The following ADH1B variants were observed in gnomAD, a reference collection of about 807,000 sequenced individuals.
ADH1B encodes the protein all-trans-retinol dehydrogenase [NAD(+)] ADH1B.
ADH1B carries 29 observed loss-of-function variants against 34.6 expected under a neutral mutation model. The observed-to-expected ratio is 0.84, with a 90% CI of 0.62 to 1.14. ADH1B has a LOEUF of 1.14. ADH1B is among the 50% of genes most tolerant of loss of function. ADH1B has a pLI of 0.00. For missense variants in ADH1B, 424 were observed against 468.4 expected (o/e 0.91, Z 0.87); for synonymous variants, 170 against 175.5 (o/e 0.97, Z 0.25).
At chr4:99,317,888 G>T in intron 3 of ADH1B, 158 bp downstream of exon 3, 2 of 1,236,452 alleles carry the variant, frequency 1.6e-6, no homozygotes, top group Non-Finnish European at 2.3e-6. Flanking sequence ...ACATGCTTGG[G>T]TCAGGCAGGC....
chr4:99,312,829 G>A (rs1044789148), intron 6 of ADH1B, among the ~76,000 whole-genome samples: 1 of 151,764 alleles, frequency 6.6e-6, no homozygotes, highest in African/African-American at 2.4e-5. Context: ...CTTCAGCCTT[G>A]GTGACAGAGT....
Position 99,311,598 on chromosome 4 carries a change from G to A in ADH1B, c.887C>T (p.Pro296Leu), listed in dbSNP as rs746111493. ...TATTGAGAGGTTCTGGGAAGCAGGA[G>A]GTACCCCTACGATGACGCTTGTGCC... is the stretch of plus-strand genomic sequence containing the variant. ...ACGTSVIVGV[P>L]PASQNLSINP... The change falls in exon 7 of 9, where the codon CCT (proline) becomes CTT (leucine). Residue 296 changes from proline to leucine, a missense_variant. Physicochemically the swap from Pro to Leu is moderately conservative, Grantham distance 98. This residue lies in a region of ADH1B where 130 missense variants were observed against 151.8 expected (regional missense o/e 0.86). Coordinates refer to ENST00000305046, the MANE Select transcript of ADH1B (RefSeq NM_000668.6). 5 of 1,613,882 alleles carry A rather than the reference G, an allele frequency of 3.1e-6. No individual in the cohort carries two copies. Among genetic ancestry groups the A allele is most frequent in the African/African-American group, 1.3e-5 (1 of 74,876 alleles).
chr4:99,318,759 G>T, intron 2 of ADH1B, 26 bp downstream of exon 2: 1 of 1,584,722 alleles, frequency 6.3e-7, no homozygotes, highest in South Asian at 1.1e-5. Flanking sequence ...AATGTAAAAT[G>T]AAATATAAAT....
Position 99,311,588 on chromosome 4 carries a change from G to C in ADH1B, c.897C>G (p.Ser299=). The change falls in exon 7 of 9, where the codon TCC becomes TCG. Residue 299 remains serine, a synonymous_variant. Transcript: ENST00000305046. ...TSVIVGVPPA[S]QNLSINPMLL... ...GCATAGGGTTTATTGAGAGGTTCTG[G>C]GAAGCAGGAGGTACCCCTACGATGA... The C allele has an allele frequency of 6.2e-7, 1 of 1,614,068 alleles. No individual in the cohort carries two copies. Among genetic ancestry groups the C allele is most frequent in the Non-Finnish European group, 8.5e-7 (1 of 1,179,964 alleles).
intron 8 of ADH1B, among the ~76,000 whole-genome samples, chr4:99,308,849 T>A (rs920403608): frequency 2.6e-5 from 4 of 152,114 alleles, no homozygotes; most frequent in African/African-American, 9.7e-5. Context: ...TAGAAATCTG[T>A]GCATGTTTTA....
chr4:99,317,804 C>G (rs1733922779), intron 3 of ADH1B: 2 of 535,728 alleles, frequency 3.7e-6, no homozygotes, highest in Non-Finnish European at 3.2e-6. Flanking sequence ...CAGGCTCTAA[C>G]CTGGTGCCTG....
At position 99,316,270 on chromosome 4, in the gene ADH1B, A is replaced by G. The variant is rs770585785; in HGVS notation, c.292T>C (p.Cys98Arg). Reference protein sequence around the residue: ...DKVIPLFTPQCGKCRVCKNPE... With the variant: ...DKVIPLFTPQRGKCRVCKNPE... ...TTTTTACAAACTCTGCATTTTCCAC[A>G]CTGAGGAGTAAAGAGCGGGATGACT... The change falls in exon 4 of 9, where the codon TGT becomes CGT. Residue 98 changes from cysteine (C) to arginine (R), a missense_variant. Physicochemically the swap from Cys to Arg is radical, Grantham distance 180 (BLOSUM62 -3). Transcript: ENST00000305046. 6.2e-7 allele frequency: 1 copy of G among 1,614,190 alleles called. No homozygotes were observed. Among genetic ancestry groups the G allele is most frequent in the Admixed American group, 1.7e-5 (1 of 60,012 alleles).
chr4:99,310,509 CAGGA>C, intron 8 of ADH1B: 1 of 441,290 alleles, frequency 2.3e-6, no homozygotes. Context: ...GTTCTCTTTT[CAGGA>C]AGGCTGAGTG....
intron 7 of ADH1B, 101 bp downstream of exon 7, chr4:99,311,420 G>A (rs1332322086): frequency 2.9e-5 from 39 of 1,345,070 alleles, no homozygotes; most frequent in Non-Finnish European, 3.8e-5. Flanking sequence ...TCAAAATCTT[G>A]CCTTGTCAAT....
At chr4:99,315,670 A>G in intron 5 of ADH1B, 1 of 607,256 alleles carries the variant, frequency 1.6e-6, no homozygotes, top group Non-Finnish European at 2.8e-6. Flanking sequence ...CAGCAAATTC[A>G]GAAGAAAAAT....
At chr4:99,315,099 C>T (rs567178696) in intron 5 of ADH1B, 2 of 152,236 alleles carry the variant, frequency 1.3e-5, no homozygotes, top group East Asian at 1.9e-4. Flanking sequence ...TTATGTATTG[C>T]GAGCTAAGAT....
At chr4:99,318,374 C>T (rs1193893701) in intron 2 of ADH1B, 190 bp from the exon 3 acceptor site, 5 of 684,212 alleles carry the variant, frequency 7.3e-6, no homozygotes, top group African/African-American at 1.9e-5. Flanking sequence ...CTCTACCTTC[C>T]CTTCTTGAAT....
At chr4:99,311,769 G>C (rs147870968) in intron 6 of ADH1B, 113 bp from the exon 7 acceptor site, 9 of 1,450,106 alleles carry the variant, frequency 6.2e-6, no homozygotes, top group Non-Finnish European at 7.5e-6. Flanking sequence ...AGAGGGAAGA[G>C]ATCATGTCTT....
Position 99,307,666 on chromosome 4 carries a change from A to G in ADH1B, c.*174T>C, listed in dbSNP as rs1193193608. 7 of 839,098 alleles carry G rather than the reference A, an allele frequency of 8.3e-6. No individual in the cohort carries two copies. The highest frequency in any genetic ancestry group is 2.8e-5 in the Admixed American group (1 of 35,148). 52.0% of individuals were successfully genotyped at this position (839,098 alleles called of 1,614,324 possible). Reference sequence around the variant, plus strand: ...TATTTACTTCTCACTTGAATTTTAAATTTTCCTGAAAAATAATTTCCCATC... The same window carrying G: ...TATTTACTTCTCACTTGAATTTTAAGTTTTCCTGAAAAATAATTTCCCATC... On this transcript the variant is annotated 3_prime_UTR_variant, in exon 9 of 9. Transcript: ENST00000305046.
chr4:99,315,934 G>T lies in ADH1B; in HGVS notation c.531C>A (p.Phe177Leu). 1.2e-6 allele frequency: 2 copies of T among 1,614,196 alleles called. No homozygotes were observed. Among genetic ancestry groups the T allele is most frequent in the Non-Finnish European group, 1.7e-6 (2 of 1,180,038 alleles). The change falls in exon 5 of 9, where the codon TTC becomes TTA. Residue 177 changes from phenylalanine (F) to leucine (L), a missense_variant. Phe to Leu is a conservative substitution (Grantham distance 22). Transcript: ENST00000305046. ...TAACTGCAGACCCATAACCAGTCGA[G>T]AATCCACAGCCAATGAGGCAGACTT... The part of the protein sequence containing the change: ...LEKVCLIGCG[F>L]STGYGSAVNV...
At position 99,305,946 on chromosome 4, in the gene ADH1B, G is replaced by T. The variant is rs1733601738; in HGVS notation, c.*1894C>A. The stretch of plus-strand genomic sequence containing the variant: ...CACCCAGCAACAGGTAGTGTCCCAT[G>T]ATGATGTTATCTTACGGACATTCTG... On this transcript the variant is annotated 3_prime_UTR_variant, in exon 9 of 9. Coordinates refer to ENST00000305046, the MANE Select transcript of ADH1B (RefSeq NM_000668.6). The T allele has an allele frequency of 6.6e-6, 1 of 152,176 alleles. No individual in the cohort carries two copies. Among genetic ancestry groups the T allele is most frequent in the South Asian group, 2.1e-4 (1 of 4,828 alleles). The allele number at this position is 152,176 out of a possible 1,614,324, so 9.4% of individuals were successfully genotyped here.
chr4:99,316,317 A>T lies in ADH1B; in HGVS notation c.260-15T>A. On this transcript the variant is annotated splice_polypyrimidine_tract_variant and intron_variant, in intron 3 of 8. Coordinates refer to ENST00000305046, the MANE Select transcript of ADH1B (RefSeq NM_000668.6). ...GACTTTATCACCTGGAGAGGAATAA[A>T]ACAAGTTCTTCTTAAATTTCTATGC... 6.2e-7 allele frequency: 1 copy of T among 1,607,590 alleles called. No homozygotes were observed. Among genetic ancestry groups the T allele is most frequent in the Non-Finnish European group, 8.5e-7 (1 of 1,175,908 alleles).
intron 3 of ADH1B, chr4:99,317,405 C>T (rs1044182369): frequency 6.6e-6 from 1 of 152,072 alleles, no homozygotes; most frequent in African/African-American, 2.4e-5. Context: ...AATCTGTAAC[C>T]AGTTGCATTT....
chr4:99,314,145 T>C, intron 5 of ADH1B, 64 bp from the exon 6 acceptor site: 1 of 1,588,000 alleles, frequency 6.3e-7, no homozygotes, highest in Non-Finnish European at 8.6e-7. Context: ...CTAAGCTTCA[T>C]AAAGTGCCAT....
Sources: gnomAD v4.1 joint callset for allele counts (sites outside exome capture counted in the v4.1 genomes callset) on GRCh38, gnomAD v4.1.1 for gene constraint, gnomAD v4.1.1 regional missense constraint, MANE v1.5 for transcripts, NCBI Gene and HGNC (gene_info 2026-07-23, HGNC 2026-07-21) for gene names.